Variants in STT3B observed in about 807,000 individuals in gnomAD.
STT3B encodes the protein dolichyl-diphosphooligosaccharide--protein glycosyltransferase subunit STT3B.
A neutral mutation model predicts 96.8 loss-of-function variants in STT3B; 29 were observed. That is an observed-to-expected ratio of 0.30 (90% CI 0.22 to 0.41). STT3B has a LOEUF of 0.41. Among genes scored for constraint, STT3B ranks in the 10% least tolerant of loss-of-function variants. STT3B has a pLI of 1.00. For synonymous variants in STT3B, 367 were observed against 360.0 expected (o/e 1.02, Z -0.22); for missense variants, 640 against 1,022.3 (o/e 0.63, Z 5.10).
At chr3:31,598,381 TTAGTG>T (rs1443140301) in intron 4 of STT3B, among the ~76,000 whole-genome samples, 3 of 152,050 alleles carry the variant, frequency 2.0e-5, no homozygotes, top group Non-Finnish European at 4.4e-5. Flanking sequence ...TCTAAACAGT[TTAGTG>T]AAGTGAACTT....
intron 1 of STT3B, among the ~76,000 whole-genome samples, chr3:31,540,587 A>G (rs1314864247): frequency 6.6e-6 from 1 of 152,028 alleles, no homozygotes; most frequent in Admixed American, 6.5e-5. Flanking sequence ...AAATCCTTCA[A>G]ATGCATTGTT....
chr3:31,571,642 A>G (rs1365184761), intron 1 of STT3B, among the ~76,000 whole-genome samples: 2 of 152,106 alleles, frequency 1.3e-5, no homozygotes, highest in Non-Finnish European at 2.9e-5. Flanking sequence ...ATTTGAGCCA[A>G]TCATATTCTT....
chr3:31,559,199 TC>T (rs1482470711), intron 1 of STT3B, among the ~76,000 whole-genome samples: 4 of 149,024 alleles, frequency 2.7e-5, no homozygotes, highest in African/African-American at 4.9e-5. Context: ...GTTGTCTCTT[TC>T]ATTTAGTTCT....
In STT3B at chr3:31,623,637, A is replaced by C; in HGVS notation, c.1540-37A>C. 2.7e-6 allele frequency: 4 copies of C among 1,478,780 alleles called. No homozygotes were observed. In the South Asian group the frequency reaches 5.2e-5, roughly 19 times the overall value. 91.6% of individuals were successfully genotyped at this position (1,478,780 alleles called of 1,614,324 possible). On this transcript the variant is annotated intron_variant, in intron 10 of 15. Coordinates refer to ENST00000295770, the MANE Select transcript of STT3B (RefSeq NM_178862.3). ...AGTATCTTAATGAAGCAAGTCAAAT[A>C]ATGAATTTGTCTAACCAATTTTTTT...
intron 1 of STT3B, among the ~76,000 whole-genome samples, chr3:31,543,457 T>A (rs1697329737): frequency 6.6e-6 from 1 of 152,236 alleles, no homozygotes; most frequent in South Asian, 2.1e-4. Flanking sequence ...CTACACAGTA[T>A]TAGGAACATA....
intron 3 of STT3B, among the ~76,000 whole-genome samples, chr3:31,585,335 C>T (rs1019015771): frequency 6.6e-6 from 1 of 152,098 alleles, no homozygotes; most frequent in African/African-American, 2.4e-5. Flanking sequence ...AATCCCCACC[C>T]TGTGCCTGTT....
rs1021872025 is a variant in STT3B, at chr3:31,596,669, A to T, written c.712-129A>T. Reference sequence around the variant, plus strand: ...TATATGAAGTATGTCTGCATATCTGAATAACCACAGTATTTTTTAGAATAA... The same window carrying T: ...TATATGAAGTATGTCTGCATATCTGTATAACCACAGTATTTTTTAGAATAA... On this transcript the variant is annotated intron_variant, in intron 3 of 15. Coordinates refer to ENST00000295770, the MANE Select transcript of STT3B (RefSeq NM_178862.3). 6.0e-6 allele frequency: 4 copies of T among 665,934 alleles called. No individual in the cohort carries two copies. The Admixed American group carries it at 7.7e-5, about 13-fold the overall frequency. The allele number at this position is 665,934 out of a possible 1,614,324, so 41.3% of individuals were successfully genotyped here. A position where few individuals can be genotyped will look rare whatever the true frequency, so the allele number is the denominator to read the frequency against.
At chr3:31,542,132 G>A (rs1045750780) in intron 1 of STT3B, among the ~76,000 whole-genome samples, 1 of 152,160 alleles carries the variant, frequency 6.6e-6, no homozygotes, top group African/African-American at 2.4e-5. Context: ...AAGAAAGTGG[G>A]TGGGAGAGAA....
chr3:31,554,969 TC>T (rs746032033), intron 1 of STT3B, among the ~76,000 whole-genome samples: 5 of 152,162 alleles, frequency 3.3e-5, no homozygotes, highest in Non-Finnish European at 5.9e-5. Flanking sequence ...GTTTTTACTC[TC>T]TTTTTGACCT....
At chr3:31,619,461 T>A (rs748285237) in intron 8 of STT3B, among the ~76,000 whole-genome samples, 1 of 152,176 alleles carries the variant, frequency 6.6e-6, no homozygotes, top group Non-Finnish European at 1.5e-5. Flanking sequence ...ATCTAGATAA[T>A]TCTCTGAATT....
At chr3:31,614,028 C>G (rs1263971074) in intron 5 of STT3B, among the ~76,000 whole-genome samples, 12 of 151,904 alleles carry the variant, frequency 7.9e-5, no homozygotes, top group African/African-American at 2.9e-4. Context: ...TGTGAGGCAA[C>G]TTAATATTTG....
intron 1 of STT3B, among the ~76,000 whole-genome samples, chr3:31,555,563 A>C (rs183900969): frequency 1.3e-5 from 2 of 152,220 alleles, no homozygotes; most frequent in Non-Finnish European, 2.9e-5. Context: ...ACTAAGTCAC[A>C]TTACACATTT....
At chr3:31,627,710 TG>T (rs1699565857) in intron 13 of STT3B, among the ~76,000 whole-genome samples, 1 of 152,236 alleles carries the variant, frequency 6.6e-6, no homozygotes, top group Non-Finnish European at 1.5e-5. Flanking sequence ...ATTATTTTTT[TG>T]TATTAATCTT....
intron 1 of STT3B, among the ~76,000 whole-genome samples, chr3:31,566,130 TC>T (rs1230086227): frequency 6.6e-6 from 1 of 152,192 alleles, no homozygotes; most frequent in East Asian, 1.9e-4. Context: ...AAACTGTGTG[TC>T]CATTCTGGTA....
At chr3:31,577,643 C>A (rs147121121) in intron 2 of STT3B, among the ~76,000 whole-genome samples, 2,124 of 152,186 alleles carry the variant, frequency 0.014, 50 homozygotes, top group African/African-American at 0.047. Context: ...AGAACATGTT[C>A]TCCATGATAG....
At chr3:31,596,726 C>A in intron 3 of STT3B, 72 bp from the exon 4 acceptor site, 1 of 1,218,600 alleles carries the variant, frequency 8.2e-7, no homozygotes, top group Non-Finnish European at 1.2e-6. Flanking sequence ...GGTTACCAAA[C>A]ATTTAACTTT....
At chr3:31,628,838 T>C (rs1699590302) in intron 13 of STT3B, among the ~76,000 whole-genome samples, 2 of 152,184 alleles carry the variant, frequency 1.3e-5, no homozygotes, top group South Asian at 2.1e-4. Flanking sequence ...AAAGTGGCTA[T>C]GTGCAGTGGC....
chr3:31,612,709 T>C (rs1357131098), intron 5 of STT3B, among the ~76,000 whole-genome samples: 1 of 152,182 alleles, frequency 6.6e-6, no homozygotes, highest in East Asian at 1.9e-4. Context: ...TTGAGAGTAT[T>C]ATCGGGTCTC....
At chr3:31,546,452 G>A (rs1697415390) in intron 1 of STT3B, among the ~76,000 whole-genome samples, 1 of 152,098 alleles carries the variant, frequency 6.6e-6, no homozygotes, top group Admixed American at 6.5e-5. Context: ...GCATTGCAGC[G>A]GGGTTCTGAG....
Sources: allele counts gnomAD v4.1 joint callset (sites outside exome capture counted in the v4.1 genomes callset), GRCh38; gene constraint gnomAD v4.1.1; transcripts MANE v1.5; gene names NCBI Gene and HGNC (gene_info 2026-07-23, HGNC 2026-07-21).